H2AZ2: variants seen among roughly 807,000 people sequenced by gnomAD.
H2AZ2 encodes the protein H2A.Z variant histone 2, also known as histone H2A.V.
A neutral mutation model predicts 15.5 loss-of-function variants in H2AZ2; 5 were observed. The ratio of observed to expected loss-of-function variants is 0.32; its 90% confidence interval spans 0.17 to 0.68. The LOEUF is 0.68. H2AZ2 is among the 30% of genes least tolerant of loss of function. The pLI is 0.72. For missense variants in H2AZ2, 42 were observed against 162.5 expected, an observed-to-expected ratio of 0.26 and a Z score of 4.03; for synonymous variants, 44 against 57.4, an observed-to-expected ratio of 0.77 and a Z score of 1.05.
rs1024397438 is a variant in H2AZ2, at chr7:44,833,258, G to C, written c.*1243C>G. On this transcript the variant is annotated 3_prime_UTR_variant, in exon 5 of 5. Coordinates refer to ENST00000308153, the MANE Select transcript of H2AZ2 (RefSeq NM_012412.5). Reference sequence around the variant, plus strand: ...ACTTTTTTTTGTTTGTTTTGAGAGGGAGTCTTGCTCAGTCGCCAAGCTGGA... The same window carrying C: ...ACTTTTTTTTGTTTGTTTTGAGAGGCAGTCTTGCTCAGTCGCCAAGCTGGA... Among the ~76,000 whole-genome samples the C allele has an allele frequency of 2.0e-5, 3 of 151,902 alleles. No individual in the cohort carries two copies. The highest frequency in any genetic ancestry group is 2.0e-4 in the Admixed American group (3 of 15,242).
chr7:44,846,588 A>T (rs1171391395), intron 1 of H2AZ2, among the ~76,000 whole-genome samples: 1 of 151,166 alleles, frequency 6.6e-6, no homozygotes, highest in African/African-American at 2.4e-5. Flanking sequence ...CCAGCCTGGC[A>T]ACAGAGTGAG....
rs1377486130 is a variant in H2AZ2, at chr7:44,832,271, C to T, written c.*2230G>A. 6.6e-6 allele frequency among the ~76,000 whole-genome samples: 1 copy of T among 152,078 alleles called. No homozygotes were observed. Among genetic ancestry groups the T allele is most frequent in the Non-Finnish European group, 1.5e-5 (1 of 68,030 alleles). On this transcript the variant is annotated 3_prime_UTR_variant, in exon 5 of 5. Coordinates refer to ENST00000308153, the MANE Select transcript of H2AZ2 (RefSeq NM_012412.5). The stretch of plus-strand genomic sequence containing the variant: ...TGGCATCAAAAAATGTTTTAGCAGT[C>T]TTACACAATGGTATTGTGGTTATGT...
chr7:44,843,460 T>C (rs896875569), intron 1 of H2AZ2, 106 bp from the exon 2 acceptor site: 12 of 673,474 alleles, frequency 1.8e-5, no homozygotes, highest in Admixed American at 1.4e-4. Flanking sequence ...TAGTTAACAA[T>C]ATGTAGGTGA....
At chr7:44,838,117 G>A (rs1793175143) in intron 3 of H2AZ2, among the ~76,000 whole-genome samples, 1 of 151,664 alleles carries the variant, frequency 6.6e-6, no homozygotes, top group Non-Finnish European at 1.5e-5. Context: ...ACTATACACA[G>A]ACACACGCCA....
rs749849564 is a variant in H2AZ2, at chr7:44,841,055, A to C, written c.82-43T>G. On this transcript the variant is annotated intron_variant, in intron 2 of 4. Coordinates refer to ENST00000308153, the MANE Select transcript of H2AZ2 (RefSeq NM_012412.5). ...TAGTGGGAAGCACTGCAGAGTCTTAACATTGCACTGACTGTAATCAAAGGC... is the reference window on the plus strand; with the variant it reads ...TAGTGGGAAGCACTGCAGAGTCTTACCATTGCACTGACTGTAATCAAAGGC... 4 of 1,369,326 alleles carry C rather than the reference A, an allele frequency of 2.9e-6. No individual in the cohort carries two copies. In the Admixed American group the frequency reaches 5.3e-5, roughly 18 times the overall value. The allele number at this position is 1,369,326 out of a possible 1,614,324, so 84.8% of individuals were successfully genotyped here.
downstream of H2AZ2, chr7:44,827,565 G>A (rs1228564916): frequency 6.6e-6 from 1 of 152,222 alleles, no homozygotes; most frequent in Non-Finnish European, 1.5e-5. Context: ...TAGCTGTACA[G>A]TGGCTGTACA....
At chr7:44,836,887 T>C (rs1408825690) in intron 3 of H2AZ2, among the ~76,000 whole-genome samples, 1 of 151,268 alleles carries the variant, frequency 6.6e-6, no homozygotes, top group Non-Finnish European at 1.5e-5. Context: ...TCCCAGCTAC[T>C]CGGGAGGGTG....
At chr7:44,842,214 C>T (rs944486279) in intron 2 of H2AZ2, among the ~76,000 whole-genome samples, 7 of 152,138 alleles carry the variant, frequency 4.6e-5, no homozygotes, top group Non-Finnish European at 8.8e-5. Flanking sequence ...GTTCTCATAC[C>T]AAGTCTGACT....
At chr7:44,834,893 C>T (rs2117025198) in intron 4 of H2AZ2, 1 of 188,210 alleles carries the variant, frequency 5.3e-6, no homozygotes, top group Non-Finnish European at 1.1e-5. Flanking sequence ...AGTGATTCTC[C>T]TACCTCAGCC....
Position 44,837,418 on chromosome 7 carries a change from CAAAAAAAAAAAAAAGAAAAAAA to C in H2AZ2, c.196-1782_196-1761del, listed in dbSNP as rs1251631240. 7.8e-5 allele frequency among the ~76,000 whole-genome samples: 3 copies of C among 38,514 alleles called. No individual in the cohort carries two copies. The South Asian group carries it at 3.9e-3, about 50-fold the overall frequency. 25.3% of individuals were successfully genotyped at this position (38,514 alleles called of 152,430 possible). On this transcript the variant is annotated intron_variant, in intron 3 of 4. Transcript: ENST00000308153. ...AGCCTGGGCGACAGAGCAAGACTCT[CAAAAAAAAAAAAAAGAAAAAAA>C]AAAAAAAAAAAAAAGTTGACTGCAC... is the stretch of plus-strand genomic sequence containing the variant.
chr7:44,848,082 C>A lies in H2AZ2; in HGVS notation c.-111G>T, dbSNP rs192405350. ...CCGCCGCCGCCGGAGCCGGACAATA[C>A]CCCGTGCCCGCCTCGCGCTGCTGTG... On this transcript the variant is annotated 5_prime_UTR_variant, in exon 1 of 5. Coordinates refer to ENST00000308153, the MANE Select transcript of H2AZ2 (RefSeq NM_012412.5). The A allele has an allele frequency of 7.3e-3, 4,173 of 572,312 alleles. 24 individuals are homozygous for A. Among genetic ancestry groups the A allele is most frequent in the South Asian group, 0.011 (148 of 13,866 alleles). The allele number at this position is 572,312 out of a possible 1,614,324, so 35.5% of individuals were successfully genotyped here.
At chr7:44,827,791 GAAA>G (rs978334903), downstream of H2AZ2, 6 of 152,134 alleles carry the variant, frequency 3.9e-5, no homozygotes, top group African/African-American at 1.4e-4. Context: ...ACCAGTTCCT[GAAA>G]GGAGGGCCTG....
chr7:44,841,524 T>C (rs1793275585), intron 2 of H2AZ2, among the ~76,000 whole-genome samples: 1 of 152,194 alleles, frequency 6.6e-6, no homozygotes, highest in South Asian at 2.1e-4. Context: ...TTATTTTTTT[T>C]ATTGAGACAG....
chr7:44,841,591 C>A (rs1793277227), intron 2 of H2AZ2, among the ~76,000 whole-genome samples: 1 of 152,180 alleles, frequency 6.6e-6, no homozygotes, highest in Non-Finnish European at 1.5e-5. Context: ...CTCACTGCAA[C>A]CTCCGCCTCC....
chr7:44,828,942 T>C (rs1339383537), downstream of H2AZ2: 2 of 152,224 alleles, frequency 1.3e-5, no homozygotes, highest in Non-Finnish European at 2.9e-5. Flanking sequence ...GGGCCTTCCT[T>C]TGAATCTGAC....
At chr7:44,839,847 A>G (rs900678346) in intron 3 of H2AZ2, among the ~76,000 whole-genome samples, 10 of 151,060 alleles carry the variant, frequency 6.6e-5, no homozygotes, top group Non-Finnish European at 1.5e-4. Flanking sequence ...CTCTAAAAAT[A>G]CAAAAATTAG....
At chr7:44,840,098 G>A (rs1793237893) in intron 3 of H2AZ2, among the ~76,000 whole-genome samples, 1 of 152,080 alleles carries the variant, frequency 6.6e-6, no homozygotes, top group Non-Finnish European at 1.5e-5. Flanking sequence ...GGAGGCTGAG[G>A]CAGGAGGATC....
chr7:44,827,595 G>T (rs936821920), downstream of H2AZ2: 2 of 152,188 alleles, frequency 1.3e-5, no homozygotes, highest in African/African-American at 4.8e-5. Context: ...TTTATTTATA[G>T]AATTAGAAAT....
chr7:44,843,315 C>A lies in H2AZ2; in HGVS notation c.43G>T (p.Ala15Ser), dbSNP rs756512163. 2.5e-5 allele frequency: 41 copies of A among 1,613,012 alleles called. No homozygotes were observed. The highest frequency in any genetic ancestry group is 3.5e-5 in the Non-Finnish European group (41 of 1,179,650). The change falls in exon 2 of 5, where the codon GCT (alanine) becomes TCT (serine). Residue 15 changes from alanine to serine, a missense_variant. Coordinates refer to ENST00000308153, the MANE Select transcript of H2AZ2 (RefSeq NM_012412.5). ...KAGKDSGKAK[A>S]KAVSRSQRAG... is the part of the protein sequence containing the mutation. ...CTCTGTGAGCGAGATACTGCCTTAG[C>A]CTTGGCCTTCCCACTGTCCTTTCCA...
Sources: gnomAD v4.1 joint callset for allele counts (sites outside exome capture counted in the v4.1 genomes callset) on GRCh38, gnomAD v4.1.1 for gene constraint, MANE v1.5 for transcripts, NCBI Gene and HGNC (gene_info 2026-07-23, HGNC 2026-07-21) for gene names.